Variants in GRM1 observed in about 807,000 individuals in gnomAD.
GRM1 encodes metabotropic glutamate receptor 1.
A neutral mutation model predicts 90.9 loss-of-function variants in GRM1; 33 were observed. That is an observed-to-expected ratio of 0.36 (90% CI 0.28 to 0.49). The LOEUF is 0.49. Among genes scored for constraint, GRM1 ranks in the 20% least tolerant of loss-of-function variants. The pLI is 0.99. For missense variants in GRM1, 1,190 were observed against 1,534.3 expected, an observed-to-expected ratio of 0.78 and a Z score of 3.75; for synonymous variants, 700 against 613.2, an observed-to-expected ratio of 1.14 and a Z score of -2.09.
At chr6:146,146,785 T>C (rs1777125814) in intron 1 of GRM1, among the ~76,000 whole-genome samples, 1 of 152,198 alleles carries the variant, frequency 6.6e-6, no homozygotes, top group Non-Finnish European at 1.5e-5. Flanking sequence ...AAAGAGACTC[T>C]CACAAGATGC....
intron 5 of GRM1, among the ~76,000 whole-genome samples, chr6:146,375,613 C>T (rs953015442): frequency 6.6e-6 from 1 of 151,916 alleles, no homozygotes; most frequent in African/African-American, 2.4e-5. Context: ...TTGTTATATT[C>T]TCCAGTTGAA....
At chr6:146,339,214 A>G (rs1304378823) in intron 3 of GRM1, among the ~76,000 whole-genome samples, 1 of 152,186 alleles carries the variant, frequency 6.6e-6, no homozygotes. Flanking sequence ...CTATTATATC[A>G]GGTGCTGACA....
chr6:146,291,973 A>G (rs1783002193), intron 2 of GRM1, among the ~76,000 whole-genome samples: 1 of 152,048 alleles, frequency 6.6e-6, no homozygotes, highest in South Asian at 2.1e-4. Context: ...AGATATTAAC[A>G]TATAGTCAGG....
chr6:146,038,986 G>A (rs1428926679), intron 1 of GRM1, among the ~76,000 whole-genome samples: 1 of 151,784 alleles, frequency 6.6e-6, no homozygotes, highest in Non-Finnish European at 1.5e-5. Flanking sequence ...TCAGGTTTTG[G>A]TTAACAGGTA....
intron 2 of GRM1, among the ~76,000 whole-genome samples, chr6:146,235,439 G>A (rs1404551665): frequency 6.6e-6 from 1 of 151,922 alleles, no homozygotes; most frequent in Non-Finnish European, 1.5e-5. Flanking sequence ...TATTGTATTT[G>A]TGACTTCATG....
At chr6:146,038,298 A>G (rs1201212656) in intron 1 of GRM1, among the ~76,000 whole-genome samples, 1 of 151,968 alleles carries the variant, frequency 6.6e-6, no homozygotes, top group Non-Finnish European at 1.5e-5. Flanking sequence ...TGAGAAAATT[A>G]GAGAAGGGTG....
At chr6:146,181,630 G>A (rs1778557749) in intron 2 of GRM1, among the ~76,000 whole-genome samples, 1 of 152,042 alleles carries the variant, frequency 6.6e-6, no homozygotes, top group Non-Finnish European at 1.5e-5. Context: ...CTGAATTATG[G>A]CATAATGTTA....
At chr6:146,235,570 T>C (rs752375284) in intron 2 of GRM1, among the ~76,000 whole-genome samples, 41 of 152,164 alleles carry the variant, frequency 2.7e-4, no homozygotes, top group Non-Finnish European at 5.7e-4. Flanking sequence ...TTGAATATTC[T>C]GTTTTTTTCT....
intron 1 of GRM1, among the ~76,000 whole-genome samples, chr6:146,032,583 G>C (rs1032529522): frequency 1.3e-5 from 2 of 152,028 alleles, no homozygotes; most frequent in South Asian, 4.1e-4. Context: ...GTCGCTTATT[G>C]GTGACAGTTC....
At chr6:146,078,572 G>T (rs1206487611) in intron 1 of GRM1, among the ~76,000 whole-genome samples, 4 of 152,114 alleles carry the variant, frequency 2.6e-5, no homozygotes, top group Non-Finnish European at 5.9e-5. Flanking sequence ...ATAAAATGTG[G>T]ATATAGAGGT....
chr6:146,219,550 A>C (rs1306890351), intron 2 of GRM1, among the ~76,000 whole-genome samples: 1 of 152,198 alleles, frequency 6.6e-6, no homozygotes, highest in Admixed American at 6.6e-5. Context: ...CACTTAAAAA[A>C]AAAGGGGGAG....
At chr6:146,416,924 A>T (rs1777808285) in intron 7 of GRM1, among the ~76,000 whole-genome samples, 1 of 152,120 alleles carries the variant, frequency 6.6e-6, no homozygotes, top group African/African-American at 2.4e-5. Context: ...AAATGTGATA[A>T]ATATGAAAAT....
chr6:146,217,385 T>G (rs1379331033), intron 2 of GRM1, among the ~76,000 whole-genome samples: 1 of 152,228 alleles, frequency 6.6e-6, no homozygotes, highest in African/African-American at 2.4e-5. Context: ...TCTTCTCGAC[T>G]GATAACATTG....
At chr6:146,139,826 T>G (rs1279397434) in intron 1 of GRM1, among the ~76,000 whole-genome samples, 1 of 152,036 alleles carries the variant, frequency 6.6e-6, no homozygotes, top group African/African-American at 2.4e-5. Flanking sequence ...TACTGACAAC[T>G]AAAAACCTAC....
At chr6:146,274,231 CT>C (rs990560819) in intron 2 of GRM1, among the ~76,000 whole-genome samples, 1 of 152,130 alleles carries the variant, frequency 6.6e-6, no homozygotes, top group Non-Finnish European at 1.5e-5. Context: ...TAATCTGGCA[CT>C]TTTTTATATT....
At chr6:146,331,872 G>C (rs577892727) in intron 3 of GRM1, among the ~76,000 whole-genome samples, 78 of 152,166 alleles carry the variant, frequency 5.1e-4, no homozygotes, top group African/African-American at 1.7e-3. Context: ...CTTGAAGAAC[G>C]GCCTTAAGGT....
intron 2 of GRM1, among the ~76,000 whole-genome samples, chr6:146,208,510 T>A (rs997948611): frequency 3.9e-5 from 6 of 152,180 alleles, no homozygotes; most frequent in Non-Finnish European, 8.8e-5. Flanking sequence ...CACCTCTTTA[T>A]CTGGCTATTA....
chr6:146,218,623 T>C (rs750495006), intron 2 of GRM1, among the ~76,000 whole-genome samples: 3 of 152,000 alleles, frequency 2.0e-5, no homozygotes, highest in Non-Finnish European at 4.4e-5. Flanking sequence ...ATGAAAAAAA[T>C]CAGAAGAATG....
At chr6:146,273,800 G>T (rs1433113282) in intron 2 of GRM1, among the ~76,000 whole-genome samples, 2 of 152,158 alleles carry the variant, frequency 1.3e-5, no homozygotes, top group Non-Finnish European at 2.9e-5. Context: ...TTTCCAGATG[G>T]ATAATTGTTA....
Sources: gnomAD v4.1 joint callset for allele counts (sites outside exome capture counted in the v4.1 genomes callset) on GRCh38, gnomAD v4.1.1 for gene constraint, MANE v1.5 for transcripts, NCBI Gene and HGNC (gene_info 2026-07-23, HGNC 2026-07-21) for gene names.